Variants in STRADA observed in about 807,000 individuals in gnomAD.
The protein encoded by STRADA is STE20-related kinase adapter protein alpha.
Under a neutral mutation model 55.0 loss-of-function variants are expected in STRADA, and 26 were observed. That is an observed-to-expected ratio of 0.47 (90% confidence interval 0.35 to 0.66). The LOEUF is 0.66. Among genes scored for constraint, STRADA ranks in the 30% least tolerant of loss-of-function variants. The pLI is 0.01. For missense variants in STRADA, 443 were observed against 549.7 expected, an observed-to-expected ratio of 0.81 and a Z score of 1.94; for synonymous variants, 197 against 210.9, an observed-to-expected ratio of 0.93 and a Z score of 0.57.
chr17:63,703,279 G>A lies in STRADA; in HGVS notation c.*320C>T, dbSNP rs540861054. 34 of 250,842 alleles carry A rather than the reference G, an allele frequency of 1.4e-4. No homozygotes were observed. The highest frequency in any genetic ancestry group is 7.0e-4 in the African/African-American group (31 of 44,568). The allele number at this position is 250,842 out of a possible 1,614,324, so 15.5% of individuals were successfully genotyped here. A position where few individuals can be genotyped will look rare whatever the true frequency, so the allele number is the denominator to read the frequency against. ...CCTCGGGTTTAAGGAGCCAAACCCT[G>A]GGCTTGGAATTCAGCTCCCAGGGCC... is the stretch of plus-strand genomic sequence containing the variant. On this transcript the variant is annotated 3_prime_UTR_variant, in exon 13 of 13. Coordinates refer to ENST00000336174, the MANE Select transcript of STRADA (RefSeq NM_001003787.4).
chr17:63,712,170 G>A (rs1291926597), intron 6 of STRADA, among the ~76,000 whole-genome samples: 1 of 152,124 alleles, frequency 6.6e-6, no homozygotes, highest in Non-Finnish European at 1.5e-5. Context: ...CTGGCATCAG[G>A]AAAGGAGAGT....
intron 2 of STRADA, 21 bp downstream of exon 2, chr17:63,728,313 G>A (rs1358740362): frequency 6.2e-7 from 1 of 1,612,014 alleles, no homozygotes; most frequent in Non-Finnish European, 8.5e-7. Flanking sequence ...AGTAAAGCCA[G>A]AAGAATAGAA....
In STRADA at chr17:63,703,979, G is replaced by A. The variant is rs561412430; in HGVS notation, c.1143+26C>T. 12 of 1,613,868 alleles carry A rather than the reference G, an allele frequency of 7.4e-6. No individual in the cohort carries two copies. The South Asian group carries it at 1.2e-4, about 16-fold the overall frequency. ...GTTGTTAGAACCAGAACTAGAACCA[G>A]AACCAGAACGAAGGGGCTACGATAC... On this transcript the variant is annotated intron_variant, in intron 12 of 12. Coordinates refer to ENST00000336174, the MANE Select transcript of STRADA (RefSeq NM_001003787.4).
intron 5 of STRADA, 34 bp downstream of exon 5, chr17:63,713,972 A>C: frequency 6.4e-7 from 1 of 1,569,638 alleles, no homozygotes; most frequent in Non-Finnish European, 8.8e-7. Flanking sequence ...CCTGGAGCAG[A>C]AAGCAGGAGA....
At chr17:63,704,860 G>A (rs1243666855) in intron 10 of STRADA, 45 of 1,535,848 alleles carry the variant, frequency 2.9e-5, no homozygotes, top group East Asian at 4.9e-5. Flanking sequence ...CACAGTTTCC[G>A]CTCTCCCTTT....
chr17:63,728,218 C>T (rs2037783599), intron 2 of STRADA, 116 bp downstream of exon 2: 3 of 905,384 alleles, frequency 3.3e-6, no homozygotes, highest in Admixed American at 4.7e-5. Flanking sequence ...TTCCTACATC[C>T]CTCACTTCCG....
At chr17:63,709,399 T>C (rs2036337937) in intron 8 of STRADA, among the ~76,000 whole-genome samples, 1 of 152,242 alleles carries the variant, frequency 6.6e-6, no homozygotes, top group South Asian at 2.1e-4. Flanking sequence ...GTTTCCTCTT[T>C]TGTAAACTTC....
intron 10 of STRADA, 137 bp from the exon 11 acceptor site, chr17:63,704,719 A>AG: frequency 6.6e-7 from 1 of 1,511,546 alleles, no homozygotes; most frequent in Non-Finnish European, 8.8e-7. Context: ...AAAAGGTGGA[A>AG]GTGGAGTAAG....
intron 1 of STRADA, among the ~76,000 whole-genome samples, chr17:63,738,219 T>C (rs1455964383): frequency 6.6e-6 from 1 of 150,928 alleles, no homozygotes; most frequent in African/African-American, 2.4e-5. Flanking sequence ...CGGGCACCTG[T>C]ACTCCCAGCT....
At chr17:63,718,267 G>A (rs577943043) in intron 4 of STRADA, among the ~76,000 whole-genome samples, 2 of 152,240 alleles carry the variant, frequency 1.3e-5, no homozygotes, top group South Asian at 4.1e-4. Flanking sequence ...ATCATCTTAA[G>A]ATGTTAAGAT....
intron 6 of STRADA, 191 bp from the exon 7 acceptor site, chr17:63,711,027 A>C: frequency 1.7e-6 from 1 of 583,842 alleles, no homozygotes; most frequent in South Asian, 2.1e-5. Flanking sequence ...GGGACCCAGC[A>C]CTGCTTTGCC....
chr17:63,704,689 T>C, intron 10 of STRADA, 107 bp from the exon 11 acceptor site: 3 of 1,503,754 alleles, frequency 2.0e-6, no homozygotes, highest in Non-Finnish European at 2.6e-6. Context: ...AATATGCAAA[T>C]GTGATCATTT....
chr17:63,723,243 C>T, intron 4 of STRADA, 55 bp downstream of exon 4: 1 of 1,588,812 alleles, frequency 6.3e-7, no homozygotes, highest in Non-Finnish European at 8.6e-7. Flanking sequence ...CAAACTTCCA[C>T]AAGAAGTCAT....
chr17:63,723,501 A>T (rs2037447746), intron 3 of STRADA, 175 bp from the exon 4 acceptor site: 1 of 654,850 alleles, frequency 1.5e-6, no homozygotes, highest in Non-Finnish European at 2.7e-6. Context: ...CCACAGTAAA[A>T]ATGCTGCAGA....
At position 63,710,619 on chromosome 17, in the gene STRADA, A is replaced by G. The variant is rs2036434538; in HGVS notation, c.458-5T>C. 1.9e-6 allele frequency: 3 copies of G among 1,614,150 alleles called. No homozygotes were observed. Among genetic ancestry groups the G allele is most frequent in the African/African-American group, 1.3e-5 (1 of 75,068 alleles). ...AGATGAGATCTTTTGCAGAACCTGC[A>G]GAAAAGGATTGCATGGAGGCAGTGA... On this transcript the variant is annotated splice_region_variant and splice_polypyrimidine_tract_variant and intron_variant, in intron 7 of 12. Coordinates refer to ENST00000336174, the MANE Select transcript of STRADA (RefSeq NM_001003787.4).
At position 63,703,022 on chromosome 17, in the gene STRADA, A is replaced by G. The variant is rs1342492406; in HGVS notation, c.*577T>C. 3 of 153,674 alleles carry G rather than the reference A, an allele frequency of 2.0e-5. No homozygotes were observed. Among genetic ancestry groups the G allele is most frequent in the Non-Finnish European group, 4.4e-5 (3 of 68,886 alleles). The allele number at this position is 153,674 out of a possible 1,614,324, so 9.5% of individuals were successfully genotyped here. ...GGCACACACATAAACCGTGGGAAAG[A>G]CTTAGGTGTCAGGGCCCAAGCCAGA... On this transcript the variant is annotated 3_prime_UTR_variant, in exon 13 of 13. Coordinates refer to ENST00000336174, the MANE Select transcript of STRADA (RefSeq NM_001003787.4).
chr17:63,719,230 C>G (rs1040877479), intron 4 of STRADA: 5 of 152,158 alleles, frequency 3.3e-5, no homozygotes, highest in Admixed American at 3.3e-4. Context: ...CTGTGTTACT[C>G]AGAACACTCT....
chr17:63,735,922 A>G (rs1266832803), intron 1 of STRADA, among the ~76,000 whole-genome samples: 4 of 152,158 alleles, frequency 2.6e-5, no homozygotes, highest in African/African-American at 9.6e-5. Context: ...CAGAGCTCCC[A>G]GTCAGCAGCT....
intron 1 of STRADA, among the ~76,000 whole-genome samples, chr17:63,739,420 G>A (rs990414152): frequency 6.6e-6 from 1 of 151,978 alleles, no homozygotes; most frequent in African/African-American, 2.4e-5. Flanking sequence ...TCAAACTCCT[G>A]AACTCAAGCA....
Sources: gnomAD v4.1 joint callset for allele counts (sites outside exome capture counted in the v4.1 genomes callset) on GRCh38, gnomAD v4.1.1 for gene constraint, MANE v1.5 for transcripts, NCBI Gene and HGNC (gene_info 2026-07-23, HGNC 2026-07-21) for gene names.